The following DDX19B variants were observed in gnomAD, a reference collection of about 807,000 sequenced individuals.
DDX19B encodes ATP-dependent RNA helicase DDX19B.
In DDX19B, 27 loss-of-function variants were observed where a neutral mutation model predicts 58.1. The ratio of observed to expected loss-of-function variants is 0.46; its 90% CI spans 0.34 to 0.64. The LOEUF (loss-of-function observed/expected upper bound fraction) is 0.64. DDX19B is among the 30% of genes least tolerant of loss of function. The pLI is 0.01. For missense variants in DDX19B, 399 were observed against 596.5 expected, an observed-to-expected ratio of 0.67 and a Z score of 3.45; for synonymous variants, 187 against 214.4, an observed-to-expected ratio of 0.87 and a Z score of 1.12.
chr16:70,297,223 A>AT (rs901500777), upstream of DDX19B, among the ~76,000 whole-genome samples: 14 of 144,854 alleles, frequency 9.7e-5, no homozygotes, highest in Non-Finnish European at 1.7e-4. Flanking sequence ...CTATTTATTT[A>AT]TTTTTTTTGA....
At chr16:70,327,445 A>G (rs1963225925) in intron 7 of DDX19B, among the ~76,000 whole-genome samples, 1 of 152,196 alleles carries the variant, frequency 6.6e-6, no homozygotes, top group South Asian at 2.1e-4. Context: ...AGGCAGGAGA[A>G]TCACTTGAAC....
chr16:70,327,423 C>G (rs961228897), intron 7 of DDX19B, among the ~76,000 whole-genome samples: 1 of 152,068 alleles, frequency 6.6e-6, no homozygotes, highest in Admixed American at 6.6e-5. Flanking sequence ...GTCCCAGCTA[C>G]TCAGGAGGCT....
At chr16:70,294,874 A>G (rs769644827), upstream of DDX19B, 196 of 1,526,696 alleles carry the variant, frequency 1.3e-4, 1 homozygote, top group South Asian at 2.0e-3. Context: ...CGCGTCCAAG[A>G]TCGCGCCCTG....
chr16:70,317,067 G>A (rs113193411), intron 4 of DDX19B, among the ~76,000 whole-genome samples: 2,377 of 152,064 alleles, frequency 0.016, 55 homozygotes, highest in African/African-American at 0.053. Flanking sequence ...AATTAGCAGG[G>A]CATGTTGGCG....
intron 1 of DDX19B, among the ~76,000 whole-genome samples, chr16:70,300,849 T>G (rs527607134): frequency 7.7e-4 from 117 of 152,338 alleles, no homozygotes; most frequent in African/African-American, 2.7e-3. Context: ...TCTATAAAAT[T>G]TATTTTACTT....
upstream of DDX19B, chr16:70,289,831 A>T (rs1217134640): frequency 5.0e-6 from 2 of 400,394 alleles, no homozygotes; most frequent in Admixed American, 5.4e-5. Flanking sequence ...CACAATTGAC[A>T]TAGTTAAAAA....
chr16:70,321,336 T>C (rs1962797463), intron 5 of DDX19B, among the ~76,000 whole-genome samples: 1 of 152,084 alleles, frequency 6.6e-6, no homozygotes, highest in Admixed American at 6.6e-5. Context: ...CCCAGACTTG[T>C]CTTGAACTCC....
rs535456017 is a variant in DDX19B, at chr16:70,322,043, A to G, written c.390-2542A>G. Among the ~76,000 whole-genome samples the G allele has an allele frequency of 7.9e-4, 116 of 146,116 alleles. 1 individual carries two copies. Among genetic ancestry groups the G allele is most frequent in the Non-Finnish European group, 1.4e-3 (94 of 66,488 alleles). On this transcript the variant is annotated intron_variant, in intron 5 of 11. Transcript: ENST00000288071. ...GAGTGAGATTCCGTCTCAAAAAAAA[A>G]AAAAATTAATAATAAATTTTGGCCA...
intron 2 of DDX19B, among the ~76,000 whole-genome samples, chr16:70,313,398 G>C (rs749992783): frequency 6.6e-6 from 1 of 152,020 alleles, no homozygotes; most frequent in Admixed American, 6.6e-5. Flanking sequence ...CAGTCCTCCC[G>C]CCTCAGCCTC....
intron 5 of DDX19B, among the ~76,000 whole-genome samples, chr16:70,322,815 C>G (rs927146335): frequency 1.3e-5 from 2 of 148,452 alleles, no homozygotes; most frequent in Admixed American, 6.9e-5. Flanking sequence ...TTGCTTGAAC[C>G]TGGGAGGCAG....
upstream of DDX19B, among the ~76,000 whole-genome samples, chr16:70,296,325 G>T (rs111603596): frequency 6.6e-6 from 1 of 150,908 alleles, no homozygotes; most frequent in Non-Finnish European, 1.5e-5. Flanking sequence ...TTTAAGAGGC[G>T]ATGGTTTCAC....
At chr16:70,309,817 C>CAAAAAAAAAAAAAAAAAAA (rs61033553) in intron 1 of DDX19B, among the ~76,000 whole-genome samples, 2 of 42,628 alleles carry the variant, frequency 4.7e-5, no homozygotes, top group Non-Finnish European at 7.3e-5. Flanking sequence ...GACTCCGTCT[C>CAAAAAAAAAAAAAAAAAAA]AAAAAAAAAA....
Position 70,329,152 on chromosome 16 carries a change from G to A in DDX19B, c.608-140G>A, listed in dbSNP as rs376186073. ...GCAGGAGAATCGCTTGAACCTGGGC[G>A]GCAGAGGTTGCAGTGAGTCGAGATC... On this transcript the variant is annotated intron_variant, in intron 7 of 11. Transcript: ENST00000288071. The A allele has an allele frequency of 4.9e-4, 554 of 1,136,258 alleles. 8 individuals are homozygous for A. The South Asian group carries it at 7.9e-3, about 16-fold the overall frequency. 70.4% of individuals were successfully genotyped at this position (1,136,258 alleles called of 1,614,324 possible).
intron 5 of DDX19B, among the ~76,000 whole-genome samples, chr16:70,322,756 G>A (rs550010616): frequency 6.6e-6 from 1 of 152,094 alleles, no homozygotes; most frequent in South Asian, 2.1e-4. Context: ...GCCAGACGTG[G>A]TGGCAGGCAT....
chr16:70,317,252 G>T, intron 4 of DDX19B: 10 of 237,008 alleles, frequency 4.2e-5, no homozygotes, highest in East Asian at 8.4e-5. Flanking sequence ...ATGGTGCCAT[G>T]TACCTGTAAT....
intron 4 of DDX19B, among the ~76,000 whole-genome samples, chr16:70,316,568 C>T (rs1962427644): frequency 2.0e-5 from 3 of 152,144 alleles, no homozygotes; most frequent in South Asian, 4.1e-4. Context: ...GTAATCCCAG[C>T]ACTTTTGGAG....
intron 1 of DDX19B, among the ~76,000 whole-genome samples, chr16:70,311,471 G>C (rs1962092391): frequency 6.6e-6 from 1 of 152,118 alleles, no homozygotes; most frequent in African/African-American, 2.4e-5. Flanking sequence ...GCTACTCTGG[G>C]CACATTTCCT....
chr16:70,307,079 T>C (rs1472642823), intron 1 of DDX19B, among the ~76,000 whole-genome samples: 2 of 152,228 alleles, frequency 1.3e-5, no homozygotes, highest in Non-Finnish European at 2.9e-5. Context: ...CAAATAATAT[T>C]CCATTGTGTG....
At chr16:70,314,687 A>T (rs1962274700) in intron 2 of DDX19B, 1 of 215,082 alleles carries the variant, frequency 4.6e-6, no homozygotes, top group Non-Finnish European at 8.4e-6. Context: ...TAATAAAATA[A>T]ATATCTATCT....
Sources: allele counts gnomAD v4.1 joint callset (sites outside exome capture counted in the v4.1 genomes callset), GRCh38; gene constraint gnomAD v4.1.1; transcripts MANE v1.5; gene names NCBI Gene and HGNC (gene_info 2026-07-23, HGNC 2026-07-21).